Variants in PRDM16 observed in about 807,000 individuals in gnomAD.
PRDM16 encodes PR/SET domain 16.
Under a neutral mutation model 110.6 loss-of-function variants are expected in PRDM16, and 23 were observed. The observed-to-expected ratio is 0.21, with a 90% CI of 0.15 to 0.29. The LOEUF is 0.29. Ranked by LOEUF, PRDM16 falls within the 10% of genes least tolerant of loss-of-function variation. PRDM16 has a pLI of 1.00. For synonymous variants in PRDM16, 799 were observed against 781.8 expected (o/e 1.02, Z -0.37); for missense variants, 1,615 against 1,794.3 (o/e 0.90, Z 1.81).
At chr1:3,198,343 G>A (rs1054274452) in intron 2 of PRDM16, among the ~76,000 whole-genome samples, 1 of 152,264 alleles carries the variant, frequency 6.6e-6, no homozygotes, top group South Asian at 2.1e-4. Flanking sequence ...GCTGCATGGA[G>A]GGTTTGTTCT....
intron 8 of PRDM16, among the ~76,000 whole-genome samples, chr1:3,408,721 T>C (rs1201682744): frequency 2.8e-5 from 4 of 144,662 alleles, no homozygotes; most frequent in Admixed American, 6.7e-5. Context: ...TGAGAGTGTG[T>C]GAGTGTGGGC....
chr1:3,326,772 A>G (rs2100476311), intron 3 of PRDM16, among the ~76,000 whole-genome samples: 1 of 152,326 alleles, frequency 6.6e-6, no homozygotes, highest in African/African-American at 2.4e-5. Flanking sequence ...CTGGCTCCCA[A>G]GCCCCCCACC....
In PRDM16 at chr1:3,405,570, G is replaced by A. The variant is rs1001805709; in HGVS notation, c.1108G>A (p.Asp370Asn). The A allele has an allele frequency of 4.3e-6, 7 of 1,611,242 alleles. No individual in the cohort carries two copies. Among genetic ancestry groups the A allele is most frequent in the South Asian group, 1.1e-5 (1 of 90,878 alleles). The change falls in exon 8 of 17, where the codon GAC becomes AAC. Residue 370 changes from aspartate (D) to asparagine (N), a missense_variant. By Grantham distance (23) the Asp-to-Asn change is conservative. This residue lies in a region of PRDM16 where 82 missense variants were observed against 144.4 expected (regional missense o/e 0.57). Transcript: ENST00000270722. ...GGGCGCTCGGGCCCACGCCTGCCCC[G>A]ACTGCGGGAAGACCTTCGCCACGTC... ...HVGARAHACP[D>N]CGKTFATSSG... is the part of the protein sequence containing the mutation.
At chr1:3,286,081 G>A (rs1254886690) in intron 3 of PRDM16, among the ~76,000 whole-genome samples, 5 of 152,186 alleles carry the variant, frequency 3.3e-5, no homozygotes, top group African/African-American at 4.8e-5. Context: ...TCAATTACAG[G>A]AGTTTGCAAG....
At chr1:3,387,200 T>G (rs536380780) in intron 4 of PRDM16, among the ~76,000 whole-genome samples, 1 of 152,290 alleles carries the variant, frequency 6.6e-6, no homozygotes, top group African/African-American at 2.4e-5. Flanking sequence ...CATCCCACAG[T>G]GCCGACTTCC....
In PRDM16 at chr1:3,255,598, A is replaced by T. The variant is rs376614548; in HGVS notation, c.438+11461A>T. Among the ~76,000 whole-genome samples, 67 of 152,340 alleles carry T rather than the reference A, an allele frequency of 4.4e-4. No homozygotes were observed. Among genetic ancestry groups the T allele is most frequent in the African/African-American group, 1.5e-3 (62 of 41,578 alleles). On this transcript the variant is annotated intron_variant, in intron 3 of 16. Coordinates refer to ENST00000270722, the MANE Select transcript of PRDM16 (RefSeq NM_022114.4). This position sits in a 1 kb window ranked among gnomAD's most constrained non-coding sequence, Gnocchi z 4.7. The stretch of plus-strand genomic sequence containing the variant: ...CCCTAACTCTGTGGCTCGAAACAGC[A>T]CACGGTGCCCCTCCTTATCGCATTC...
chr1:3,409,946 GTGTGTGTGCGTGTGGGGGGTGTGGT>G (rs1355898453), intron 8 of PRDM16, among the ~76,000 whole-genome samples: 1 of 128,922 alleles, frequency 7.8e-6, no homozygotes, highest in East Asian at 2.5e-4. Context: ...TGTGGTGTGG[GTGTGTGTGCGTGTGGGGGGTGTGGT>G]TGTGTGTTTG....
At chr1:3,219,566 G>T (rs1285965373) in intron 2 of PRDM16, among the ~76,000 whole-genome samples, 1 of 152,194 alleles carries the variant, frequency 6.6e-6, no homozygotes, top group Admixed American at 6.5e-5. Flanking sequence ...CAGAAGCCGG[G>T]TTAATAATTA....
chr1:3,312,710 C>T (rs1361923084), intron 3 of PRDM16, among the ~76,000 whole-genome samples: 5 of 152,260 alleles, frequency 3.3e-5, no homozygotes, highest in Non-Finnish European at 7.3e-5. Flanking sequence ...ACAAATACTC[C>T]GCCGCTTTTC....
chr1:3,423,391 G>T (rs1638497139), intron 12 of PRDM16, among the ~76,000 whole-genome samples: 1 of 152,156 alleles, frequency 6.6e-6, no homozygotes, highest in South Asian at 2.1e-4. Flanking sequence ...CCTGCCTTGG[G>T]GAGGCCCCTG....
chr1:3,223,103 CTTTTTTTTTTTTT>C (rs1172383270), intron 2 of PRDM16, among the ~76,000 whole-genome samples: 1 of 73,994 alleles, frequency 1.4e-5, no homozygotes, highest in Non-Finnish European at 2.3e-5. Context: ...AAAATCAAGG[CTTTTTTTTTTTTT>C]TTTTTTTTTT....
chr1:3,078,919 T>G (rs1311218388), intron 1 of PRDM16, among the ~76,000 whole-genome samples: 1 of 152,262 alleles, frequency 6.6e-6, no homozygotes, highest in East Asian at 1.9e-4. Flanking sequence ...CATTTCTCTC[T>G]GCCCAATGGG....
At chr1:3,216,139 G>A (rs776531218) in intron 2 of PRDM16, among the ~76,000 whole-genome samples, 2 of 152,016 alleles carry the variant, frequency 1.3e-5, no homozygotes, top group African/African-American at 2.4e-5. Flanking sequence ...ATTCGGGCTG[G>A]CCGTGGCCCC....
At position 3,435,482 on chromosome 1, in the gene PRDM16, T is replaced by C. The variant is rs1422583814; in HGVS notation, c.*1671T>C. The C allele has an allele frequency of 4.3e-6, 1 of 230,682 alleles. No homozygotes were observed. The highest frequency in any genetic ancestry group is 8.6e-6 in the Non-Finnish European group (1 of 116,584). 14.3% of individuals were successfully genotyped at this position (230,682 alleles called of 1,614,324 possible). ...ATCATATGTTTTTGTTAAATTTGCGTTTCAGTTACATTTGCATTTAAGACA... is the reference window on the plus strand; with the variant it reads ...ATCATATGTTTTTGTTAAATTTGCGCTTCAGTTACATTTGCATTTAAGACA... On this transcript the variant is annotated 3_prime_UTR_variant, in exon 17 of 17. Transcript: ENST00000270722.
chr1:3,328,602 C>T (rs750987856), intron 3 of PRDM16, among the ~76,000 whole-genome samples: 3 of 152,118 alleles, frequency 2.0e-5, no homozygotes, highest in African/African-American at 4.8e-5. Flanking sequence ...CGGCTCCCAT[C>T]AGAGGGTACA....
intron 2 of PRDM16, among the ~76,000 whole-genome samples, chr1:3,222,005 T>TCC (rs1305136120): frequency 6.6e-6 from 1 of 152,158 alleles, no homozygotes; most frequent in African/African-American, 2.4e-5. Flanking sequence ...TCTTATCTGC[T>TCC]CCCTAGACCC....
chr1:3,191,878 G>A (rs1252460723), intron 2 of PRDM16, among the ~76,000 whole-genome samples: 1 of 152,142 alleles, frequency 6.6e-6, no homozygotes, highest in Non-Finnish European at 1.5e-5. Context: ...CGTGAGGCAG[G>A]CGTAAAAAGG....
chr1:3,078,269 G>GCAT (rs1336134851), intron 1 of PRDM16, among the ~76,000 whole-genome samples: 2 of 152,148 alleles, frequency 1.3e-5, no homozygotes, highest in Non-Finnish European at 2.9e-5. Context: ...GCATGCTAGG[G>GCAT]GCCCACCTGG....
chr1:3,253,392 T>A (rs1478499442), intron 3 of PRDM16, among the ~76,000 whole-genome samples: 1 of 122,700 alleles, frequency 8.1e-6, no homozygotes, highest in African/African-American at 3.1e-5. Context: ...CAGAGTGTGA[T>A]GTTCCCCTTC....
Sources: allele counts gnomAD v4.1 joint callset (sites outside exome capture counted in the v4.1 genomes callset), GRCh38; gene constraint gnomAD v4.1.1; regional missense constraint gnomAD v4.1.1; non-coding constraint Gnocchi (gnomAD v3.1); transcripts MANE v1.5; gene names NCBI Gene and HGNC (gene_info 2026-07-23, HGNC 2026-07-21).